The following RAB1A variants were observed in gnomAD, a reference collection of about 807,000 sequenced individuals.
RAB1A encodes RAB1A, member RAS oncogene family, also known as ras-related protein Rab-1A.
In RAB1A, 2 loss-of-function variants were observed where a neutral mutation model predicts 26.0. The ratio of observed to expected loss-of-function variants is 0.08; its 90% confidence interval spans 0.03 to 0.24. The LOEUF (loss-of-function observed/expected upper bound fraction) is 0.24. Among genes scored for constraint, RAB1A ranks in the 10% least tolerant of loss-of-function variants. The pLI is 1.00. For missense variants in RAB1A, 100 were observed against 247.0 expected, an observed-to-expected ratio of 0.40 and a Z score of 3.99; for synonymous variants, 84 against 84.9, an observed-to-expected ratio of 0.99 and a Z score of 0.06.
chr2:65,119,033 GA>G (rs1269935972), intron 1 of RAB1A, among the ~76,000 whole-genome samples: 1 of 151,126 alleles, frequency 6.6e-6, no homozygotes. Context: ...TACAAAAAAA[GA>G]GAAAAAAGAA....
Position 65,129,957 on chromosome 2 carries a change from C to T in RAB1A, c.-42G>A. ...CCGCCGCCACCGCCGCCCTTGCTGC[C>T]GCAGCCGCCGCCCTGACTCTCCGCG... On this transcript the variant is annotated 5_prime_UTR_variant, in exon 1 of 6. Coordinates refer to ENST00000409784, the MANE Select transcript of RAB1A (RefSeq NM_004161.5). 2 of 1,570,398 alleles carry T rather than the reference C, an allele frequency of 1.3e-6. No homozygotes were observed. Among genetic ancestry groups the T allele is most frequent in the Non-Finnish European group, 8.6e-7 (1 of 1,158,774 alleles).
At chr2:65,122,216 T>G (rs1309059080) in intron 1 of RAB1A, among the ~76,000 whole-genome samples, 1 of 145,218 alleles carries the variant, frequency 6.9e-6, no homozygotes, top group Non-Finnish European at 1.5e-5. Context: ...AAATACCTCA[T>G]GCACTGGCAC....
At chr2:65,119,855 A>C (rs1669917243) in intron 1 of RAB1A, among the ~76,000 whole-genome samples, 1 of 149,264 alleles carries the variant, frequency 6.7e-6, no homozygotes, top group Admixed American at 6.7e-5. Flanking sequence ...AAAAAAAAAA[A>C]AAAAAAAAAA....
chr2:65,094,951 G>C (rs1327619211), intron 3 of RAB1A, among the ~76,000 whole-genome samples: 1 of 152,140 alleles, frequency 6.6e-6, no homozygotes, highest in Non-Finnish European at 1.5e-5. Context: ...CAATAAAAGA[G>C]GAATTAATCT....
chr2:65,121,234 C>T (rs1669956919), intron 1 of RAB1A, among the ~76,000 whole-genome samples: 2 of 56,156 alleles, frequency 3.6e-5, no homozygotes, highest in South Asian at 5.2e-4. Flanking sequence ...GATCATGTCT[C>T]GAAAAAAAAA....
intron 2 of RAB1A, among the ~76,000 whole-genome samples, chr2:65,100,840 C>A (rs528129447): frequency 1.5e-4 from 23 of 150,108 alleles, no homozygotes; most frequent in African/African-American, 5.6e-4. Flanking sequence ...CCCCCAGGTA[C>A]TTGGATAGAA....
At chr2:65,119,414 G>A (rs1049930977) in intron 1 of RAB1A, among the ~76,000 whole-genome samples, 6 of 151,854 alleles carry the variant, frequency 4.0e-5, no homozygotes, top group Admixed American at 2.0e-4. Context: ...GGCTGAGGCA[G>A]GAGAATCGCT....
chr2:65,110,307 G>A (rs971893683), intron 1 of RAB1A, among the ~76,000 whole-genome samples: 4 of 152,036 alleles, frequency 2.6e-5, no homozygotes, highest in African/African-American at 7.2e-5. Flanking sequence ...CGGGTGTGGC[G>A]GCACACGCCT....
At chr2:65,100,170 G>C (rs1009935578) in intron 2 of RAB1A, among the ~76,000 whole-genome samples, 34 of 152,082 alleles carry the variant, frequency 2.2e-4, no homozygotes. Flanking sequence ...GGGAGGCCAA[G>C]GTGAGTGGAT....
chr2:65,104,188 T>C (rs977107321), intron 2 of RAB1A, among the ~76,000 whole-genome samples: 9 of 152,202 alleles, frequency 5.9e-5, no homozygotes, highest in South Asian at 2.1e-4. Flanking sequence ...AACTATGCCA[T>C]TGGCCAACGA....
At chr2:65,114,581 C>T (rs1324483681) in intron 1 of RAB1A, among the ~76,000 whole-genome samples, 1 of 152,150 alleles carries the variant, frequency 6.6e-6, no homozygotes, top group Non-Finnish European at 1.5e-5. Context: ...CGGTGGCTCA[C>T]GCCTGTAATC....
intron 2 of RAB1A, among the ~76,000 whole-genome samples, chr2:65,099,398 T>C (rs1165158195): frequency 6.6e-6 from 1 of 152,224 alleles, no homozygotes; most frequent in Non-Finnish European, 1.5e-5. Context: ...CGTGAAAAGA[T>C]ATATGAATGA....
At position 65,107,067 on chromosome 2, in the gene RAB1A, T is replaced by C. The variant is rs112528486; in HGVS notation, c.24-2261A>G. 4.5e-3 allele frequency among the ~76,000 whole-genome samples: 650 copies of C among 143,312 alleles called. 5 individuals are homozygous for C. Among genetic ancestry groups the C allele is most frequent in the African/African-American group, 0.016 (626 of 38,428 alleles). The allele number at this position is 143,312 out of a possible 152,430, so 94.0% of individuals were successfully genotyped here. A position where few individuals can be genotyped will look rare whatever the true frequency, so the allele number is the denominator to read the frequency against. Reference sequence around the variant, plus strand: ...CATGCCTGGCCCCAAATATTCTTTTTTTGTTTGTTTGTTTTGAGACAAGAG... The same window carrying C: ...CATGCCTGGCCCCAAATATTCTTTTCTTGTTTGTTTGTTTTGAGACAAGAG... On this transcript the variant is annotated intron_variant, in intron 1 of 5. Coordinates refer to ENST00000409784, the MANE Select transcript of RAB1A (RefSeq NM_004161.5).
chr2:65,129,979 C>G lies in RAB1A; in HGVS notation c.-64G>C. Reference sequence around the variant, plus strand: ...TGCCGCAGCCGCCGCCCTGACTCTCCGCGCCACGGGTAATCGAAAGAAAGG... The same window carrying G: ...TGCCGCAGCCGCCGCCCTGACTCTCGGCGCCACGGGTAATCGAAAGAAAGG... On this transcript the variant is annotated 5_prime_UTR_variant, in exon 1 of 6. Coordinates refer to ENST00000409784, the MANE Select transcript of RAB1A (RefSeq NM_004161.5). 1 of 1,532,844 alleles carries G rather than the reference C, an allele frequency of 6.5e-7. No individual in the cohort carries two copies. The highest frequency in any genetic ancestry group is 8.9e-7 in the Non-Finnish European group (1 of 1,128,038). The allele number at this position is 1,532,844 out of a possible 1,614,324, so 95.0% of individuals were successfully genotyped here.
At chr2:65,101,270 C>G (rs368680585) in intron 2 of RAB1A, among the ~76,000 whole-genome samples, 127 of 152,262 alleles carry the variant, frequency 8.3e-4, no homozygotes, top group African/African-American at 2.9e-3. Flanking sequence ...CTGCATAACC[C>G]TACTTACTCC....
At chr2:65,127,739 T>C (rs1460096478) in intron 1 of RAB1A, among the ~76,000 whole-genome samples, 1 of 152,032 alleles carries the variant, frequency 6.6e-6, no homozygotes, top group Non-Finnish European at 1.5e-5. Context: ...AAACAATAAA[T>C]AATTTTTTTT....
intron 1 of RAB1A, among the ~76,000 whole-genome samples, chr2:65,106,083 A>C (rs995840744): frequency 6.6e-5 from 10 of 152,130 alleles, no homozygotes; most frequent in African/African-American, 2.2e-4. Context: ...CTCTTTATGT[A>C]TCTCTAACAT....
intron 4 of RAB1A, 69 bp downstream of exon 4, chr2:65,090,914 G>C (rs1669158227): frequency 2.9e-6 from 3 of 1,045,242 alleles, no homozygotes; most frequent in Admixed American, 5.2e-5. Flanking sequence ...AGTAGTAAAT[G>C]AATCTGACAT....
intron 1 of RAB1A, among the ~76,000 whole-genome samples, chr2:65,115,638 T>G (rs1669806715): frequency 6.6e-6 from 1 of 152,112 alleles, no homozygotes; most frequent in Non-Finnish European, 1.5e-5. Flanking sequence ...ATATAAATGA[T>G]CAATGTGACC....
Sources: allele counts gnomAD v4.1 joint callset (sites outside exome capture counted in the v4.1 genomes callset), GRCh38; gene constraint gnomAD v4.1.1; transcripts MANE v1.5; gene names NCBI Gene and HGNC (gene_info 2026-07-23, HGNC 2026-07-21).